ABHD12: variants seen among roughly 807,000 people sequenced by gnomAD.
ABHD12 encodes the protein abhydrolase domain containing 12, lysophospholipase, also known as lysophosphatidylserine lipase ABHD12.
In ABHD12, 43 loss-of-function variants were observed where a neutral mutation model predicts 58.3. The ratio of observed to expected loss-of-function variants is 0.74; its 90% confidence interval spans 0.58 to 0.95. ABHD12 has a LOEUF of 0.95. Ranked by LOEUF, ABHD12 falls within the 40% of genes least tolerant of loss-of-function variation. The pLI, the probability that ABHD12 is intolerant of heterozygous loss-of-function variation, is 0.00. For missense variants in ABHD12, 539 were observed against 537.2 expected, an observed-to-expected ratio of 1.00 and a Z score of -0.03; for synonymous variants, 219 against 211.2, an observed-to-expected ratio of 1.04 and a Z score of -0.32.
Position 25,369,268 on chromosome 20 carries a change from C to G in ABHD12, c.191+21245G>C, listed in dbSNP as rs55893280. ...ATCCGTCTTTAGAGAAATGTCTCTT[C>G]GAGTTCTAGGCCCATTTTTGAATTG... On this transcript the variant is annotated intron_variant, in intron 1 of 12. Coordinates refer to ENST00000339157, the MANE Select transcript of ABHD12 (RefSeq NM_001042472.3). 4.3e-3 allele frequency among the ~76,000 whole-genome samples: 655 copies of G among 152,232 alleles called. 2 individuals are homozygous for G. Among genetic ancestry groups the G allele is most frequent in the African/African-American group, 0.015 (638 of 41,526 alleles).
At chr20:25,364,458 G>A (rs1294366815) in intron 1 of ABHD12, among the ~76,000 whole-genome samples, 1 of 152,132 alleles carries the variant, frequency 6.6e-6, no homozygotes, top group African/African-American at 2.4e-5. Context: ...CAGAGCAGAG[G>A]GGAGGGAAGG....
intron 1 of ABHD12, among the ~76,000 whole-genome samples, chr20:25,388,277 G>C (rs1190000921): frequency 1.3e-5 from 2 of 152,144 alleles, no homozygotes; most frequent in African/African-American, 4.8e-5. Context: ...TGGCGCAATG[G>C]ATATCTGTTC....
chr20:25,353,205 T>C (rs1432432142), intron 1 of ABHD12, among the ~76,000 whole-genome samples: 1 of 151,684 alleles, frequency 6.6e-6, no homozygotes, highest in Non-Finnish European at 1.5e-5. Flanking sequence ...TCTCATATAA[T>C]GCTTTTTCCA....
chr20:25,358,214 A>T (rs1489439301), intron 1 of ABHD12, among the ~76,000 whole-genome samples: 1 of 152,210 alleles, frequency 6.6e-6, no homozygotes, highest in East Asian at 1.9e-4. Flanking sequence ...AAGGAACAAA[A>T]GTTAGACATA....
chr20:25,368,781 G>A, intron 1 of ABHD12: 1 of 780,742 alleles, frequency 1.3e-6, no homozygotes, highest in Non-Finnish European at 2.2e-6. Context: ...GATAGTACAG[G>A]GCTCCCAGCG....
intron 10 of ABHD12, among the ~76,000 whole-genome samples, chr20:25,306,367 CTGG>C (rs1269894232): frequency 6.6e-6 from 1 of 152,120 alleles, no homozygotes; most frequent in Non-Finnish European, 1.5e-5. Context: ...TACTTGCCCC[CTGG>C]CCCACAATTT....
At position 25,300,789 on chromosome 20, in the gene ABHD12, CTG is replaced by C; in HGVS notation, c.*54_*55del. 4 of 1,613,630 alleles carry C rather than the reference CTG, an allele frequency of 2.5e-6. No homozygotes were observed. The Admixed American group carries it at 5.0e-5, about 20-fold the overall frequency. On this transcript the variant is annotated 3_prime_UTR_variant, in exon 13 of 13. Transcript: ENST00000339157. ...GGGCTTCAGGATACCGGGCTGCTGA[CTG>C]GAGGAAAACGGGAGGAGGGCAGAGG...
chr20:25,319,065 G>A (rs1400031259), intron 4 of ABHD12, among the ~76,000 whole-genome samples: 3 of 152,220 alleles, frequency 2.0e-5, no homozygotes, highest in Admixed American at 6.5e-5. Flanking sequence ...GGTGCCACAC[G>A]GGACCTCGGC....
chr20:25,334,249 G>C lies in ABHD12; in HGVS notation c.316+4978C>G, dbSNP rs1003263143. ...ATACTTAGGAATCCAACTTACAAGGGATGTGAAGGACCTCTTCAAGGAGAA... is the reference window on the plus strand; with the variant it reads ...ATACTTAGGAATCCAACTTACAAGGCATGTGAAGGACCTCTTCAAGGAGAA... On this transcript the variant is annotated intron_variant, in intron 2 of 12. Transcript: ENST00000339157. 3.8e-4 allele frequency among the ~76,000 whole-genome samples: 58 copies of C among 151,316 alleles called. 3 individuals carry two copies. The highest frequency in any genetic ancestry group is 1.4e-3 in the African/African-American group (58 of 40,982).
intron 5 of ABHD12, among the ~76,000 whole-genome samples, chr20:25,315,639 T>C (rs2088947097): frequency 6.6e-6 from 1 of 152,106 alleles, no homozygotes; most frequent in Non-Finnish European, 1.5e-5. Context: ...TGCCAGCTCC[T>C]AGCCACCGCA....
chr20:25,363,221 CTTTT>C (rs541419840), intron 1 of ABHD12, among the ~76,000 whole-genome samples: 6 of 133,488 alleles, frequency 4.5e-5, no homozygotes, highest in Non-Finnish European at 1.6e-5. Flanking sequence ...TGACATTTTA[CTTTT>C]TTTTTTTTTT....
chr20:25,369,002 A>G (rs535425477), intron 1 of ABHD12, among the ~76,000 whole-genome samples: 1 of 152,150 alleles, frequency 6.6e-6, no homozygotes, highest in East Asian at 1.9e-4. Context: ...ATGCACCTAT[A>G]GTCCCAGCTA....
In ABHD12 at chr20:25,320,192, C is replaced by T; in HGVS notation, c.542+7G>A. 6.2e-7 allele frequency: 1 copy of T among 1,613,816 alleles called. No individual in the cohort carries two copies. Among genetic ancestry groups the T allele is most frequent in the African/African-American group, 1.3e-5 (1 of 75,072 alleles). ...CACAGCAAAGATGATGGGCTCCTCT[C>T]CCTCACCTGGTACCTGCGTTCCCAT... On this transcript the variant is annotated splice_region_variant and intron_variant, in intron 4 of 12. Transcript: ENST00000339157.
At chr20:25,357,599 G>A (rs927960830) in intron 1 of ABHD12, among the ~76,000 whole-genome samples, 2 of 152,120 alleles carry the variant, frequency 1.3e-5, no homozygotes, top group Non-Finnish European at 2.9e-5. Flanking sequence ...TCAAGGGAAA[G>A]TAAGAATTTA....
At chr20:25,355,748 G>C (rs760258553) in intron 1 of ABHD12, among the ~76,000 whole-genome samples, 1 of 152,058 alleles carries the variant, frequency 6.6e-6, no homozygotes, top group African/African-American at 2.4e-5. Flanking sequence ...TAGTAGAGAC[G>C]GGGTTTCACC....
chr20:25,368,549 C>G, intron 1 of ABHD12: 1 of 1,419,058 alleles, frequency 7.0e-7, no homozygotes, highest in South Asian at 1.1e-5. Flanking sequence ...GGACTTGCCA[C>G]CAGTGCCATT....
chr20:25,339,846 A>G, intron 1 of ABHD12: 1 of 1,064,788 alleles, frequency 9.4e-7, no homozygotes, highest in South Asian at 1.7e-5. Context: ...CTCAGAGAGC[A>G]GGAGGCTAAG....
chr20:25,330,511 G>T (rs1419319621), intron 2 of ABHD12, among the ~76,000 whole-genome samples: 8 of 152,238 alleles, frequency 5.3e-5, no homozygotes, highest in Non-Finnish European at 1.2e-4. Context: ...TCTGGGGGCA[G>T]GGCACAGACA....
intron 3 of ABHD12, among the ~76,000 whole-genome samples, chr20:25,320,554 T>C (rs1159438464): frequency 3.3e-5 from 5 of 152,160 alleles, no homozygotes; most frequent in African/African-American, 1.2e-4. Context: ...GCAGGAGCGT[T>C]CCCTGACTGG....
Sources: gnomAD v4.1 joint callset for allele counts (sites outside exome capture counted in the v4.1 genomes callset) on GRCh38, gnomAD v4.1.1 for gene constraint, MANE v1.5 for transcripts, NCBI Gene and HGNC (gene_info 2026-07-23, HGNC 2026-07-21) for gene names.